The following TECTA variants were observed in gnomAD, a reference collection of about 807,000 sequenced individuals.
TECTA encodes alpha-tectorin.
TECTA carries 128 observed loss-of-function variants against 216.8 expected under a neutral mutation model. That is an observed-to-expected ratio of 0.59 (90% CI 0.51 to 0.68). TECTA has a LOEUF of 0.68. TECTA is among the 30% of genes least tolerant of loss of function. The pLI is 0.00. For missense variants in TECTA, 2,551 were observed against 2,786.2 expected (o/e 0.92, Z 1.90); for synonymous variants, 1,089 against 1,117.1 (o/e 0.97, Z 0.50).
intron 20 of TECTA, among the ~76,000 whole-genome samples, chr11:121,182,954 C>G (rs1947245091): frequency 6.6e-6 from 1 of 152,198 alleles, no homozygotes; most frequent in African/African-American, 2.4e-5. Context: ...TCTGGTGGCC[C>G]TGCTGCTGGG....
intron 12 of TECTA, 53 bp downstream of exon 12, chr11:121,146,169 C>G: frequency 6.3e-7 from 1 of 1,591,660 alleles, no homozygotes; most frequent in South Asian, 1.1e-5. Flanking sequence ...CTTGATTGCT[C>G]TGGGAAGGCC....
chr11:121,166,813 G>A (rs1251694530), intron 18 of TECTA, 33 bp downstream of exon 18: 1 of 1,610,926 alleles, frequency 6.2e-7, no homozygotes, highest in Non-Finnish European at 8.5e-7. Flanking sequence ...GCACCTGGCA[G>A]AGGCAGCGAC....
At chr11:121,132,399 G>A (rs1946683816) in intron 10 of TECTA, among the ~76,000 whole-genome samples, 1 of 152,168 alleles carries the variant, frequency 6.6e-6, no homozygotes, top group Non-Finnish European at 1.5e-5. Flanking sequence ...TGTACTCCGG[G>A]CTCATCTTGT....
At chr11:121,103,322 G>C (rs1055689861) in intron 2 of TECTA, among the ~76,000 whole-genome samples, 3 of 152,098 alleles carry the variant, frequency 2.0e-5, no homozygotes, top group African/African-American at 7.2e-5. Flanking sequence ...AGACAAAGAC[G>C]GGGCGGTCTA....
chr11:121,144,066 A>G (rs1946810850), intron 11 of TECTA, among the ~76,000 whole-genome samples: 1 of 152,166 alleles, frequency 6.6e-6, no homozygotes, highest in African/African-American at 2.4e-5. Flanking sequence ...CATGGAAAGC[A>G]TCCTTCACAC....
At chr11:121,186,020 C>T (rs947477570) in intron 20 of TECTA, among the ~76,000 whole-genome samples, 2 of 84,534 alleles carry the variant, frequency 2.4e-5, no homozygotes, top group East Asian at 5.5e-4. Context: ...ATGTTCAATG[C>T]TTAATGAATG....
Position 121,105,943 on chromosome 11 carries a change from C to T in TECTA, c.177C>T (p.Gly59=), listed in dbSNP as rs1946386017. Residue 59 remains glycine, a synonymous_variant, in exon 3 of 24, where the codon GGC becomes GGT. Coordinates refer to ENST00000392793, the MANE Select transcript of TECTA (RefSeq NM_005422.4). The surrounding 1 kb of genome is among the most constrained non-coding windows in gnomAD (Gnocchi z 5.3). Reference sequence around the variant, plus strand: ...TGGCCATCCCAGTTTTCTTCTTTGGCGTTCCTTACCGCACTGTCTATGTAA... The same window carrying T: ...TGGCCATCCCAGTTTTCTTCTTTGGTGTTCCTTACCGCACTGTCTATGTAA... ...IKLAIPVFFF[G]VPYRTVYVNN... 6 of 1,614,154 alleles carry T rather than the reference C, an allele frequency of 3.7e-6. No homozygotes were observed. In the East Asian group the frequency reaches 6.7e-5, roughly 18 times the overall value.
chr11:121,187,241 G>C (rs1160835985), intron 20 of TECTA, among the ~76,000 whole-genome samples: 1 of 152,202 alleles, frequency 6.6e-6, no homozygotes, highest in Non-Finnish European at 1.5e-5. Context: ...CAAGTTATCT[G>C]TGCCTGAGAT....
Position 121,162,273 on chromosome 11 carries a change from C to T in TECTA, c.5175C>T (p.His1725=). Residue 1725 remains histidine, a synonymous_variant, in exon 16 of 24, where the codon CAC becomes CAT. Coordinates refer to ENST00000392793, the MANE Select transcript of TECTA (RefSeq NM_005422.4). ...GCTACCTGGACGGCTGCTACAGCCA[C>T]AAGAAGTTCCAGCTGTGCGGCTCCC... The part of the protein sequence containing the change: ...ESCYLDGCYS[H]KKFQLCGSLA... 1 of 1,613,960 alleles carries T rather than the reference C, an allele frequency of 6.2e-7. No homozygotes were observed. Among genetic ancestry groups the T allele is most frequent in the Non-Finnish European group, 8.5e-7 (1 of 1,180,054 alleles).
Position 121,190,853 on chromosome 11 carries a change from C to A in TECTA, c.*47C>A, listed in dbSNP as rs1233500044. ...AAGTACTGTAATTTACTTACTTCAA[C>A]ACCCTGTAGGATAAAAAGTGTGTGC... On this transcript the variant is annotated 3_prime_UTR_variant, in exon 24 of 24. Coordinates refer to ENST00000392793, the MANE Select transcript of TECTA (RefSeq NM_005422.4). 3 of 1,394,282 alleles carry A rather than the reference C, an allele frequency of 2.2e-6. No homozygotes were observed. Among genetic ancestry groups the A allele is most frequent in the Non-Finnish European group, 2.0e-6 (2 of 992,384 alleles). 86.4% of individuals were successfully genotyped at this position (1,394,282 alleles called of 1,614,324 possible).
chr11:121,189,896 C>T lies in TECTA; in HGVS notation c.6367+16C>T, dbSNP rs750279068. On this transcript the variant is annotated intron_variant, in intron 23 of 23. Transcript: ENST00000392793. ...AGCTGCAGAGGTAGACACTCTTCTA[C>T]CCTGGGGCAGGCAGCTGGGAGACAC... The T allele has an allele frequency of 6.2e-7, 1 of 1,605,860 alleles. No homozygotes were observed. Among genetic ancestry groups the T allele is most frequent in the East Asian group, 2.2e-5 (1 of 44,828 alleles).
rs375353872 is a variant in TECTA at position 121,165,325 on chromosome 11, C to T, written c.5325C>T (p.Cys1775=). 349 of 1,608,450 alleles carry T rather than the reference C, an allele frequency of 2.2e-4. 1 individual carries two copies. Among genetic ancestry groups the T allele is most frequent in the Non-Finnish European group, 2.8e-4 (334 of 1,177,660 alleles). Residue 1775 remains cysteine (C), a synonymous_variant, in exon 17 of 24, where the codon TGC becomes TGT. Transcript: ENST00000392793. Reference sequence around the variant, plus strand: ...GGGCGGACTGTCCCAACCGAACTTGCGAGCTGGGCAATGGCAGGGAGCTGT... The same window carrying T: ...GGGCGGACTGTCCCAACCGAACTTGTGAGCTGGGCAATGGCAGGGAGCTGT... ...CVGADCPNRT[C]ELGNGRELCG... is the part of the protein sequence containing the mutation.
chr11:121,118,761 A>G (rs1460499860), intron 7 of TECTA, 43 bp downstream of exon 7: 2 of 1,609,724 alleles, frequency 1.2e-6, no homozygotes, highest in East Asian at 2.2e-5. Context: ...GAGAAGCTGG[A>G]GATTCTTCAG....
At chr11:121,181,777 T>C (rs1216574988) in intron 20 of TECTA, among the ~76,000 whole-genome samples, 3 of 152,184 alleles carry the variant, frequency 2.0e-5, no homozygotes, top group Non-Finnish European at 4.4e-5. Context: ...CACTGGAGAA[T>C]TATTGTGTTC....
chr11:121,130,045 G>A lies in TECTA; in HGVS notation c.2775G>A (p.Glu925=), dbSNP rs201183523. 2 of 1,613,576 alleles carry A rather than the reference G, an allele frequency of 1.2e-6. No individual in the cohort carries two copies. The highest frequency in any genetic ancestry group is 1.7e-5 in the Admixed American group (1 of 59,994). The change falls in exon 10 of 24, where the codon GAG becomes GAA. Residue 925 remains glutamate (E), a synonymous_variant. Transcript: ENST00000392793. ...INDPSNSSFL[E]CHGVVNVTAY... is the part of the protein sequence containing the mutation. ...ACCCCTCCAACAGCTCCTTCCTGGAGTGCCATGGGGTGGTGAACGTCACTG... is the reference window on the plus strand; with the variant it reads ...ACCCCTCCAACAGCTCCTTCCTGGAATGCCATGGGGTGGTGAACGTCACTG...
rs1452436060 is a variant in TECTA, at chr11:121,189,640, C to A, written c.6251-124C>A. On this transcript the variant is annotated intron_variant, in intron 22 of 23. Coordinates refer to ENST00000392793, the MANE Select transcript of TECTA (RefSeq NM_005422.4). The stretch of plus-strand genomic sequence containing the variant: ...CCACCCGCCTCGGCCTCCCAAAGTG[C>A]TGGGATTACAGGCGTGAGCCACCGC... The A allele has an allele frequency of 4.5e-6, 4 of 892,810 alleles. No individual in the cohort carries two copies. The Admixed American group carries it at 7.1e-5, about 16-fold the overall frequency. 55.3% of individuals were successfully genotyped at this position (892,810 alleles called of 1,614,324 possible).
chr11:121,118,837 C>A, intron 7 of TECTA, 119 bp downstream of exon 7: 1 of 1,316,094 alleles, frequency 7.6e-7, no homozygotes, highest in Non-Finnish European at 1.1e-6. Context: ...CAAAGAGATG[C>A]ACAGCTCTCC....
chr11:121,134,115 G>T (rs905942868), intron 10 of TECTA, among the ~76,000 whole-genome samples: 5 of 151,382 alleles, frequency 3.3e-5, no homozygotes, highest in South Asian at 2.1e-4. Flanking sequence ...CATTTTTTTT[G>T]AGCACTTTCT....
At chr11:121,106,088 AC>A in intron 3 of TECTA, 124 bp downstream of exon 3, 7 of 1,455,072 alleles carry the variant, frequency 4.8e-6, no homozygotes, top group Non-Finnish European at 6.7e-6. Context: ...AGCCAAAACG[AC>A]AAGTTCTGAG....
Sources: allele counts gnomAD v4.1 joint callset (sites outside exome capture counted in the v4.1 genomes callset), GRCh38; gene constraint gnomAD v4.1.1; non-coding constraint Gnocchi (gnomAD v3.1); transcripts MANE v1.5; gene names NCBI Gene and HGNC (gene_info 2026-07-23, HGNC 2026-07-21).